Variants in RELN observed in about 807,000 individuals in gnomAD.
RELN encodes reelin.
Under a neutral mutation model 427.6 loss-of-function variants are expected in RELN, and 108 were observed. The observed-to-expected ratio is 0.25, with a 90% CI of 0.22 to 0.30. The LOEUF is 0.30. Among genes scored for constraint, RELN ranks in the 10% least tolerant of loss-of-function variants. The probability of loss-of-function intolerance (pLI) is 1.00; values close to 1 mark genes in which losing one functional copy is unlikely to be tolerated. For synonymous variants in RELN, 1,524 were observed against 1,513.4 expected (o/e 1.01, Z -0.16); for missense variants, 3,715 against 4,302.8 (o/e 0.86, Z 3.82).
intron 7 of RELN, 146 bp downstream of exon 7, chr7:103,727,965 C>T: frequency 1.3e-6 from 1 of 752,554 alleles, no homozygotes; most frequent in Non-Finnish European, 2.3e-6. Flanking sequence ...AGAATCACCC[C>T]TCCCAATTTT....
chr7:103,777,626 A>T (rs1026868799), intron 3 of RELN, among the ~76,000 whole-genome samples: 1 of 152,064 alleles, frequency 6.6e-6, no homozygotes, highest in Non-Finnish European at 1.5e-5. Flanking sequence ...TTCGGTCAAC[A>T]TCTTGTTGTT....
intron 2 of RELN, among the ~76,000 whole-genome samples, chr7:103,848,803 A>G (rs907508586): frequency 2.6e-5 from 4 of 152,202 alleles, no homozygotes; most frequent in African/African-American, 9.6e-5. Flanking sequence ...AAAATTTTGG[A>G]CTTCTTGATC....
chr7:103,723,790 A>T (rs1790135741), intron 7 of RELN, among the ~76,000 whole-genome samples: 2 of 152,146 alleles, frequency 1.3e-5, no homozygotes, highest in African/African-American at 4.8e-5. Flanking sequence ...AAGAAGGTAG[A>T]ATCTGTGGAT....
intron 10 of RELN, 125 bp downstream of exon 10, chr7:103,697,728 T>C: frequency 7.7e-7 from 1 of 1,298,412 alleles, no homozygotes. Context: ...AATAAGTATA[T>C]TATCTGGTCC....
At chr7:103,740,525 C>T (rs1790616265) in intron 6 of RELN, among the ~76,000 whole-genome samples, 1 of 152,112 alleles carries the variant, frequency 6.6e-6, no homozygotes, top group Non-Finnish European at 1.5e-5. Flanking sequence ...ACATAAAAAA[C>T]ATTTCTTATT....
At chr7:103,822,503 A>C (rs1368647112) in intron 3 of RELN, among the ~76,000 whole-genome samples, 1 of 152,088 alleles carries the variant, frequency 6.6e-6, no homozygotes, top group Non-Finnish European at 1.5e-5. Flanking sequence ...GCACATGCCT[A>C]AAGGTAGAAA....
chr7:103,727,261 G>A (rs1001165812), intron 7 of RELN, among the ~76,000 whole-genome samples: 4 of 152,030 alleles, frequency 2.6e-5, no homozygotes, highest in Non-Finnish European at 4.4e-5. Context: ...CCTCTGAAAG[G>A]GAAGATGTGG....
At chr7:103,872,912 T>G (rs1485591921) in intron 2 of RELN, among the ~76,000 whole-genome samples, 1 of 151,750 alleles carries the variant, frequency 6.6e-6, no homozygotes, top group African/African-American at 2.4e-5. Flanking sequence ...GATGGGGTTG[T>G]TTGTTTTTTT....
chr7:103,721,881 TAC>T (rs1790084457), intron 8 of RELN, among the ~76,000 whole-genome samples: 1 of 152,210 alleles, frequency 6.6e-6, no homozygotes, highest in African/African-American at 2.4e-5. Context: ...CCTGTCACGC[TAC>T]AGTTAAAAAA....
At chr7:103,902,726 A>T (rs1015416704) in intron 2 of RELN, among the ~76,000 whole-genome samples, 1 of 152,116 alleles carries the variant, frequency 6.6e-6, no homozygotes, top group African/African-American at 2.4e-5. Flanking sequence ...TGCAAAACTC[A>T]GCATTGGAGG....
At chr7:103,888,064 T>G (rs901521692) in intron 2 of RELN, among the ~76,000 whole-genome samples, 1 of 152,126 alleles carries the variant, frequency 6.6e-6, no homozygotes, top group African/African-American at 2.4e-5. Context: ...TACCTTACCC[T>G]GCCCTGTAGG....
intron 28 of RELN, among the ~76,000 whole-genome samples, chr7:103,580,452 A>G (rs1449190430): frequency 6.6e-6 from 1 of 152,210 alleles, no homozygotes; most frequent in Non-Finnish European, 1.5e-5. Flanking sequence ...ATACATTGGG[A>G]GCCTCAAAGT....
In RELN at chr7:103,551,096, G is replaced by A. The variant is rs143293865; in HGVS notation, c.6273C>T (p.Val2091=). Reference sequence around the variant, plus strand: ...AAAGGTGCAGCTTCCCAAAGTGCACGACCTCCCTCCTCCAGCCCTGCATGG... The same window carrying A: ...AAAGGTGCAGCTTCCCAAAGTGCACAACCTCCCTCCTCCAGCCCTGCATGG... ...AGTMQGWRRE[V]VHFGKLHLCG... Residue 2091 remains valine (V), a synonymous_variant, in exon 41 of 65, where the codon GTC becomes GTT. Coordinates refer to ENST00000428762, the MANE Select transcript of RELN (RefSeq NM_005045.4). 80 of 1,613,580 alleles carry A rather than the reference G, an allele frequency of 5.0e-5. No homozygotes were observed. Among genetic ancestry groups the A allele is most frequent in the Non-Finnish European group, 6.5e-5 (77 of 1,179,984 alleles).
intron 12 of RELN, among the ~76,000 whole-genome samples, chr7:103,655,217 C>T (rs1833001068): frequency 6.6e-6 from 1 of 152,036 alleles, no homozygotes; most frequent in African/African-American, 2.4e-5. Context: ...CCACCATTAT[C>T]CTTCATAATA....
intron 20 of RELN, among the ~76,000 whole-genome samples, chr7:103,625,277 T>C (rs1302918897): frequency 2.0e-5 from 3 of 152,198 alleles, no homozygotes; most frequent in Admixed American, 6.5e-5. Flanking sequence ...GTGATGGTGA[T>C]TGGCATTTAG....
chr7:103,681,383 A>G (rs1432630887), intron 11 of RELN, among the ~76,000 whole-genome samples: 1 of 152,222 alleles, frequency 6.6e-6, no homozygotes, highest in Non-Finnish European at 1.5e-5. Context: ...CATATTCATT[A>G]TGAAATTATA....
At chr7:103,536,366 C>A (rs2117120505) in intron 45 of RELN, among the ~76,000 whole-genome samples, 1 of 152,308 alleles carries the variant, frequency 6.6e-6, no homozygotes, top group South Asian at 2.1e-4. Flanking sequence ...TCCCTACCTC[C>A]CTTCCGAAAT....
At chr7:103,648,627 G>T (rs901100165) in intron 16 of RELN, among the ~76,000 whole-genome samples, 60 of 152,204 alleles carry the variant, frequency 3.9e-4, no homozygotes, top group African/African-American at 1.4e-3. Context: ...CACAGTAAAA[G>T]AAATAATCAA....
chr7:103,552,648 G>C (rs1456965855), intron 40 of RELN, among the ~76,000 whole-genome samples: 1 of 151,578 alleles, frequency 6.6e-6, no homozygotes, highest in Non-Finnish European at 1.5e-5. Flanking sequence ...GATTACAGGT[G>C]CGCACCACCA....
Sources: gnomAD v4.1 joint callset for allele counts (sites outside exome capture counted in the v4.1 genomes callset) on GRCh38, gnomAD v4.1.1 for gene constraint, MANE v1.5 for transcripts, NCBI Gene and HGNC (gene_info 2026-07-23, HGNC 2026-07-21) for gene names.